The following ITPR2 variants were observed in gnomAD, a reference collection of about 807,000 sequenced individuals.
ITPR2 encodes inositol 1,4,5-trisphosphate-gated calcium channel ITPR2.
A neutral mutation model predicts 317.1 loss-of-function variants in ITPR2; 207 were observed. The observed-to-expected ratio is 0.65, with a 90% CI of 0.58 to 0.73. The LOEUF (loss-of-function observed/expected upper bound fraction) is 0.73. Among genes scored for constraint, ITPR2 ranks in the 30% least tolerant of loss-of-function variants. The probability of loss-of-function intolerance (pLI) is 0.00; values close to 1 mark genes in which losing one functional copy is unlikely to be tolerated. For missense variants in ITPR2, 2,613 were observed against 3,284.0 expected (o/e 0.80, Z 4.99); for synonymous variants, 1,156 against 1,149.1 (o/e 1.01, Z -0.12).
At chr12:26,502,044 G>C (rs188230234) in intron 37 of ITPR2, among the ~76,000 whole-genome samples, 3 of 152,136 alleles carry the variant, frequency 2.0e-5, no homozygotes, top group Admixed American at 6.5e-5. Flanking sequence ...AGACAAACAG[G>C]GTTGCTGAGA....
chr12:26,495,965 T>A (rs1942922291), intron 37 of ITPR2, among the ~76,000 whole-genome samples: 2 of 152,342 alleles, frequency 1.3e-5, no homozygotes, highest in South Asian at 4.1e-4. Flanking sequence ...ACAAATTACA[T>A]AATCCAAAAC....
intron 55 of ITPR2, among the ~76,000 whole-genome samples, chr12:26,385,964 G>A (rs1939653729): frequency 6.6e-6 from 1 of 151,952 alleles, no homozygotes; most frequent in Non-Finnish European, 1.5e-5. Context: ...CTTGGCAGAG[G>A]GGAAATATAT....
chr12:26,749,633 C>T (rs1288381662), intron 2 of ITPR2, among the ~76,000 whole-genome samples: 1 of 152,110 alleles, frequency 6.6e-6, no homozygotes. Flanking sequence ...GTTAACTTAT[C>T]CATTAGTTTC....
At chr12:26,531,013 G>A (rs1189432439) in intron 37 of ITPR2, among the ~76,000 whole-genome samples, 1 of 152,140 alleles carries the variant, frequency 6.6e-6, no homozygotes, top group Non-Finnish European at 1.5e-5. Context: ...TTTGGATATA[G>A]CCACTGAATG....
At position 26,445,841 on chromosome 12, in the gene ITPR2, G is replaced by T. The variant is rs200993684; in HGVS notation, c.6343-2191C>A. Among the ~76,000 whole-genome samples the T allele has an allele frequency of 2.6e-5, 4 of 152,112 alleles. No individual in the cohort carries two copies. In the East Asian group the frequency reaches 7.7e-4, roughly 29 times the overall value. On this transcript the variant is annotated intron_variant, in intron 45 of 56. Transcript: ENST00000381340. ...AGAAATAGATGGCAGCTAGACAAAA[G>T]GGCAGGGATAAAGGTGGATTTTTTA...
chr12:26,610,822 A>G (rs1946246063), intron 26 of ITPR2, among the ~76,000 whole-genome samples: 2 of 152,234 alleles, frequency 1.3e-5, no homozygotes, highest in Admixed American at 1.3e-4. Flanking sequence ...AATAGTGTTC[A>G]GGATTATGTC....
chr12:26,755,922 A>C (rs114512445), intron 2 of ITPR2, among the ~76,000 whole-genome samples: 5,263 of 152,234 alleles, frequency 0.035, 288 homozygotes, highest in African/African-American at 0.12. Flanking sequence ...TGGGACCTCA[A>C]AAGGAAAGGA....
intron 34 of ITPR2, among the ~76,000 whole-genome samples, chr12:26,567,982 A>ATATATATATATATATTATATATAT (rs1444014225): frequency 1.5e-3 from 17 of 11,476 alleles, no homozygotes; most frequent in Non-Finnish European, 6.0e-3. Context: ...TATATATTAT[A>ATATATATATATATATTATATATAT]TATATATATA....
chr12:26,454,626 A>G (rs1941833019), intron 45 of ITPR2, among the ~76,000 whole-genome samples: 1 of 152,124 alleles, frequency 6.6e-6, no homozygotes, highest in Non-Finnish European at 1.5e-5. Context: ...TTTTAAGGCA[A>G]ACATCAAAAG....
chr12:26,788,290 C>G (rs1314353202), intron 2 of ITPR2, among the ~76,000 whole-genome samples: 1 of 152,156 alleles, frequency 6.6e-6, no homozygotes, highest in Non-Finnish European at 1.5e-5. Flanking sequence ...CACAAAACCT[C>G]GTGTGGTAGT....
intron 52 of ITPR2, among the ~76,000 whole-genome samples, chr12:26,402,063 T>C (rs1478223943): frequency 6.6e-6 from 1 of 152,078 alleles, no homozygotes. Flanking sequence ...GTAGGGCCTG[T>C]GGTGAGAGCA....
intron 2 of ITPR2, among the ~76,000 whole-genome samples, chr12:26,786,757 T>G (rs1345136780): frequency 6.6e-6 from 1 of 152,212 alleles, no homozygotes; most frequent in Non-Finnish European, 1.5e-5. Context: ...CGCTCTAAAA[T>G]GTTATGATTC....
chr12:26,662,106 A>G (rs1947518055), intron 15 of ITPR2, among the ~76,000 whole-genome samples: 1 of 152,172 alleles, frequency 6.6e-6, no homozygotes, highest in Admixed American at 6.5e-5. Flanking sequence ...CTTCTAGCTA[A>G]TGTTTTTATA....
intron 36 of ITPR2, among the ~76,000 whole-genome samples, chr12:26,551,784 G>A (rs1045569464): frequency 4.6e-5 from 7 of 152,164 alleles, no homozygotes; most frequent in South Asian, 2.1e-4. Context: ...GCAGAAACCT[G>A]GCCGGCATGT....
chr12:26,697,900 T>A (rs1482259661), intron 9 of ITPR2, among the ~76,000 whole-genome samples: 1 of 151,888 alleles, frequency 6.6e-6, no homozygotes, highest in African/African-American at 2.4e-5. Flanking sequence ...CATGAAAACA[T>A]AAATACAAAA....
chr12:26,472,834 ATCG>A (rs549270864), intron 45 of ITPR2, among the ~76,000 whole-genome samples: 53 of 151,066 alleles, frequency 3.5e-4, no homozygotes, highest in African/African-American at 1.2e-3. Flanking sequence ...AACATGTATC[ATCG>A]TCTTTTTAAA....
chr12:26,618,179 G>C (rs1946412696), intron 26 of ITPR2, among the ~76,000 whole-genome samples: 1 of 151,970 alleles, frequency 6.6e-6, no homozygotes, highest in Non-Finnish European at 1.5e-5. Flanking sequence ...TTTAAAATCA[G>C]AAATAAGACA....
At chr12:26,492,537 T>G (rs1282184318) in intron 39 of ITPR2, among the ~76,000 whole-genome samples, 1 of 152,184 alleles carries the variant, frequency 6.6e-6, no homozygotes, top group Non-Finnish European at 1.5e-5. Flanking sequence ...CTGGACACTT[T>G]CTCTAGAAAG....
intron 32 of ITPR2, among the ~76,000 whole-genome samples, chr12:26,588,294 G>A (rs924595558): frequency 6.6e-6 from 1 of 152,170 alleles, no homozygotes; most frequent in African/African-American, 2.4e-5. Flanking sequence ...ATATTTAGAA[G>A]TTGGGAAGGT....
Sources: allele counts gnomAD v4.1 joint callset (sites outside exome capture counted in the v4.1 genomes callset), GRCh38; gene constraint gnomAD v4.1.1; transcripts MANE v1.5; gene names NCBI Gene and HGNC (gene_info 2026-07-23, HGNC 2026-07-21).